The following MATN1 variants were observed in gnomAD, a reference collection of about 807,000 sequenced individuals.
MATN1 encodes matrilin 1, also known as matrilin-1.
MATN1 carries 34 observed loss-of-function variants against 41.3 expected under a neutral mutation model. The observed-to-expected ratio is 0.82, with a 90% CI of 0.63 to 1.10. MATN1 has a LOEUF of 1.10. Among genes scored for constraint, MATN1 ranks in the 50% least tolerant of loss-of-function variants. The pLI, the probability that MATN1 is intolerant of heterozygous loss-of-function variation, is 0.00. For synonymous variants in MATN1, 264 were observed against 278.7 expected, an observed-to-expected ratio of 0.95 and a Z score of 0.53; for missense variants, 602 against 662.4, an observed-to-expected ratio of 0.91 and a Z score of 1.00.
intron 3 of MATN1, among the ~76,000 whole-genome samples, chr1:30,718,204 G>A (rs1349632794): frequency 1.3e-5 from 2 of 150,798 alleles, no homozygotes; most frequent in Non-Finnish European, 3.0e-5. Context: ...CTCTGATGTG[G>A]CCCCGCCCCC....
rs1374885866 is a variant in MATN1 at position 30,713,319 on chromosome 1, C to A, written c.*263G>T. 9.5e-6 allele frequency: 5 copies of A among 525,820 alleles called. No individual in the cohort carries two copies. Among genetic ancestry groups the A allele is most frequent in the African/African-American group, 5.7e-5 (3 of 52,920 alleles). 32.6% of individuals were successfully genotyped at this position (525,820 alleles called of 1,614,324 possible). ...GCAGTCCCTCTCACACTCACCCCTGCATTATCACTCTCACACTCACATTCT... is the reference window on the plus strand; with the variant it reads ...GCAGTCCCTCTCACACTCACCCCTGAATTATCACTCTCACACTCACATTCT... On this transcript the variant is annotated 3_prime_UTR_variant, in exon 8 of 8. Coordinates refer to ENST00000373765, the MANE Select transcript of MATN1 (RefSeq NM_002379.3).
At chr1:30,721,926 C>T (rs529578256) in intron 1 of MATN1, among the ~76,000 whole-genome samples, 175 bp from the exon 2 acceptor site, 1 of 152,374 alleles carries the variant, frequency 6.6e-6, no homozygotes, top group Admixed American at 6.5e-5. Context: ...CAGCAAGCAA[C>T]TTGCCAAAGG....
At chr1:30,716,698 G>T in intron 4 of MATN1, 92 bp downstream of exon 4, 1 of 1,506,158 alleles carries the variant, frequency 6.6e-7, no homozygotes. Flanking sequence ...TCAGAGGTAT[G>T]GTGCAGGGAG....
intron 3 of MATN1, among the ~76,000 whole-genome samples, chr1:30,717,656 T>G (rs1310174104): frequency 7.0e-5 from 10 of 142,860 alleles, no homozygotes; most frequent in African/African-American, 2.7e-4. Flanking sequence ...TTTTTTTTGT[T>G]TTGTTTTTTT....
At chr1:30,713,737 C>G in intron 7 of MATN1, 106 bp from the exon 8 acceptor site, 1 of 856,912 alleles carries the variant, frequency 1.2e-6, no homozygotes, top group Non-Finnish European at 1.9e-6. Context: ...GTGCATTCTC[C>G]CCTCTGTCAG....
rs375306811 is a variant in MATN1 at position 30,721,437 on chromosome 1, C to A, written c.409G>T (p.Gly137Cys). The A allele has an allele frequency of 6.2e-7, 1 of 1,612,302 alleles. No individual in the cohort carries two copies. Residue 137 changes from glycine (G) to cysteine (C), a missense_variant, in exon 2 of 8, where the codon GGT becomes TGT. Physicochemically the swap from Gly to Cys is radical, Grantham distance 159 (BLOSUM62 -3). Coordinates refer to ENST00000373765, the MANE Select transcript of MATN1 (RefSeq NM_002379.3). ...AITKAFGDAEGGRSRSPDISK... is the reference protein window; with the variant it reads ...AITKAFGDAECGRSRSPDISK... Reference sequence around the variant, plus strand: ...ATGTCAGGGGACCTGGAACGACCACCCTCTGCATCGCCGAAGGCTTTGGTG... The same window carrying A: ...ATGTCAGGGGACCTGGAACGACCACACTCTGCATCGCCGAAGGCTTTGGTG...
rs751915676 is a variant in MATN1 at position 30,717,642 on chromosome 1, G to GTTTTTTTTTTTTTTTTTTTTTTTTT, written c.665-728_665-727insAAAAAAAAAAAAAAAAAAAAAAAAA. Among the ~76,000 whole-genome samples the GTTTTTTTTTTTTTTTTTTTTTTTTT allele has an allele frequency of 3.6e-5, 4 of 109,992 alleles. 2 individuals are homozygous for GTTTTTTTTTTTTTTTTTTTTTTTTT. The highest frequency in any genetic ancestry group is 1.7e-4 in the African/African-American group (4 of 23,010). 72.2% of individuals were successfully genotyped at this position (109,992 alleles called of 152,430 possible). A position where few individuals can be genotyped will look rare whatever the true frequency, so the allele number is the denominator to read the frequency against. On this transcript the variant is annotated intron_variant, in intron 3 of 7. Coordinates refer to ENST00000373765, the MANE Select transcript of MATN1 (RefSeq NM_002379.3). ...GGCTCTGTTGTTTTTTGTGTGTGCG[G>GTTTTTTTTTTTTTTTTTTTTTTTTT]TTTTTTTTTTTGTTTTGTTTTTTTT...
At position 30,718,816 on chromosome 1, in the gene MATN1, G is replaced by T; in HGVS notation, c.583C>A (p.Pro195Thr). The T allele has an allele frequency of 6.2e-7, 1 of 1,609,876 alleles. No individual in the cohort carries two copies. Among genetic ancestry groups the T allele is most frequent in the Admixed American group, 1.7e-5 (1 of 59,858 alleles). The change falls in exon 3 of 8, where the codon CCG (proline) becomes ACG (threonine). Residue 195 changes from proline (P) to threonine (T), a missense_variant. Coordinates refer to ENST00000373765, the MANE Select transcript of MATN1 (RefSeq NM_002379.3). ...KATLRQIASE[P>T]QDEHVDYVES... ...ACGTAATCGACGTGTTCGTCCTGCG[G>T]CTCGCTGGCGATCTGCCGCAGCGTG...
Position 30,715,215 on chromosome 1 carries a change from C to T in MATN1, c.1302G>A (p.Thr434=), listed in dbSNP as rs573315394. 1.9e-5 allele frequency: 30 copies of T among 1,614,210 alleles called. No homozygotes were observed. In the Admixed American group the frequency reaches 2.0e-4, roughly 11 times the overall value. ...TCTGGTTGATGGTCTTGAAGTCAGC[C>T]GTGTAGAAGTAGTGCTCTGCCACAG... ...SEPVAEHYFY[T]ADFKTINQIG... is the part of the protein sequence containing the mutation. Residue 434 remains threonine (T), a synonymous_variant, in exon 6 of 8, where the codon ACG becomes ACA. Coordinates refer to ENST00000373765, the MANE Select transcript of MATN1 (RefSeq NM_002379.3).
chr1:30,717,831 T>G (rs537337816), intron 3 of MATN1, among the ~76,000 whole-genome samples: 15 of 152,076 alleles, frequency 9.9e-5, no homozygotes, highest in Non-Finnish European at 1.8e-4. Context: ...ATTTTTTGTA[T>G]TTTTAGTAGA....
chr1:30,718,774 T>A lies in MATN1; in HGVS notation c.625A>T (p.Ile209Phe). The stretch of plus-strand genomic sequence containing the variant: ...TGGAACTTCCTGGACAGCTTCTCGA[T>A]GACGCTGTAGCTCTCCACGTAATCG... ...HVDYVESYSV[I>F]EKLSRKFQEA... is the part of the protein sequence containing the mutation. Residue 209 changes from isoleucine to phenylalanine, a missense_variant, in exon 3 of 8, where the codon ATC (isoleucine) becomes TTC (phenylalanine). Coordinates refer to ENST00000373765, the MANE Select transcript of MATN1 (RefSeq NM_002379.3). The A allele has an allele frequency of 6.2e-7, 1 of 1,603,204 alleles. No homozygotes were observed. The highest frequency in any genetic ancestry group is 8.5e-7 in the Non-Finnish European group (1 of 1,173,982).
chr1:30,711,313 A>G lies in MATN1; in HGVS notation c.*2269T>C, dbSNP rs1639540954. On this transcript the variant is annotated 3_prime_UTR_variant, in exon 8 of 8. Coordinates refer to ENST00000373765, the MANE Select transcript of MATN1 (RefSeq NM_002379.3). Reference sequence around the variant, plus strand: ...CTGTTTATTTATACAAAATTCAAAAAAACAAAATTACAGGTTACAAAGTAA... The same window carrying G: ...CTGTTTATTTATACAAAATTCAAAAGAACAAAATTACAGGTTACAAAGTAA... 1 of 152,248 alleles carries G rather than the reference A, an allele frequency of 6.6e-6. No individual in the cohort carries two copies. Among genetic ancestry groups the G allele is most frequent in the Non-Finnish European group, 1.5e-5 (1 of 68,048 alleles). 9.4% of individuals were successfully genotyped at this position (152,248 alleles called of 1,614,324 possible). A position where few individuals can be genotyped will look rare whatever the true frequency, so the allele number is the denominator to read the frequency against.
Position 30,711,485 on chromosome 1 carries a change from A to G in MATN1, c.*2097T>C, listed in dbSNP as rs1001419462. The G allele has an allele frequency of 6.6e-6, 1 of 152,180 alleles. No individual in the cohort carries two copies. Among genetic ancestry groups the G allele is most frequent in the Non-Finnish European group, 1.5e-5 (1 of 68,054 alleles). 9.4% of individuals were successfully genotyped at this position (152,180 alleles called of 1,614,324 possible). A position where few individuals can be genotyped will look rare whatever the true frequency, so the allele number is the denominator to read the frequency against. On this transcript the variant is annotated 3_prime_UTR_variant, in exon 8 of 8. Coordinates refer to ENST00000373765, the MANE Select transcript of MATN1 (RefSeq NM_002379.3). Reference sequence around the variant, plus strand: ...AAGAGGACCTGGAGTAGCCGTGGGGAGAACTGCGATGAGTGAAGGGCAAGA... The same window carrying G: ...AAGAGGACCTGGAGTAGCCGTGGGGGGAACTGCGATGAGTGAAGGGCAAGA...
intron 2 of MATN1, 139 bp downstream of exon 2, chr1:30,721,266 C>T: frequency 3.5e-6 from 3 of 852,852 alleles, no homozygotes; most frequent in South Asian, 3.3e-5. Flanking sequence ...ATGACCGCCC[C>T]TCTCTGACCC....
At chr1:30,723,385 G>C in intron 1 of MATN1, 73 bp downstream of exon 1, 1 of 1,188,220 alleles carries the variant, frequency 8.4e-7, no homozygotes, top group Non-Finnish European at 1.1e-6. Context: ...CTGCCATATC[G>C]GTACCCAGCC....
Position 30,715,170 on chromosome 1 carries a change from C to T in MATN1, c.1347G>A (p.Lys449=). 1 of 1,614,212 alleles carries T rather than the reference C, an allele frequency of 6.2e-7. No homozygotes were observed. The highest frequency in any genetic ancestry group is 8.5e-7 in the Non-Finnish European group (1 of 1,180,024). The part of the protein sequence containing the change: ...TINQIGKKLQ[K]KICVEEDPCA... Reference sequence around the variant, plus strand: ...GGCCTCACTCACCCACACAGATCTTCTTCTGCAACTTCTTGCCTATCTGGT... The same window carrying T: ...GGCCTCACTCACCCACACAGATCTTTTTCTGCAACTTCTTGCCTATCTGGT... Residue 449 remains lysine, a synonymous_variant, in exon 6 of 8, where the codon AAG becomes AAA. Coordinates refer to ENST00000373765, the MANE Select transcript of MATN1 (RefSeq NM_002379.3).
intron 3 of MATN1, among the ~76,000 whole-genome samples, chr1:30,718,335 G>T (rs1312109638): frequency 3.3e-5 from 5 of 149,896 alleles, no homozygotes; most frequent in Non-Finnish European, 3.0e-5. Context: ...CCCTGGCCCT[G>T]CCCCTGGAGC....
intron 3 of MATN1, among the ~76,000 whole-genome samples, chr1:30,717,642 G>GTTTTTTTTTTTTTTTTTTTTTTT (rs751915676): frequency 9.1e-6 from 1 of 109,992 alleles, no homozygotes; most frequent in Non-Finnish European, 1.8e-5. Context: ...TGTGTGTGCG[G>GTTTTTTTTTTTTTTTTTTTTTTT]TTTTTTTTTT....
chr1:30,714,420 G>C (rs555785902), intron 6 of MATN1, 93 bp from the exon 7 acceptor site: 1 of 1,005,190 alleles, frequency 9.9e-7, no homozygotes, highest in South Asian at 1.4e-5. Context: ...CCAGGACTCA[G>C]GATTCCCGGG....
Sources: gnomAD v4.1 joint callset for allele counts (sites outside exome capture counted in the v4.1 genomes callset) on GRCh38, gnomAD v4.1.1 for gene constraint, MANE v1.5 for transcripts, NCBI Gene and HGNC (gene_info 2026-07-23, HGNC 2026-07-21) for gene names.